The following NRG3 variants were observed in gnomAD, a reference collection of about 807,000 sequenced individuals.
NRG3 encodes the protein pro-neuregulin-3, membrane-bound isoform.
A neutral mutation model predicts 66.9 loss-of-function variants in NRG3; 31 were observed. That is an observed-to-expected ratio of 0.46 (90% CI 0.35 to 0.63). NRG3 has a LOEUF of 0.63. Ranked by LOEUF, NRG3 falls within the 20% of genes least tolerant of loss-of-function variation. NRG3 has a pLI of 0.00. For synonymous variants in NRG3, 393 were observed against 359.4 expected, an observed-to-expected ratio of 1.09 and a Z score of -1.06; for missense variants, 910 against 878.9, an observed-to-expected ratio of 1.04 and a Z score of -0.45.
chr10:81,994,449 C>T (rs2060856132), intron 1 of NRG3, among the ~76,000 whole-genome samples: 1 of 151,914 alleles, frequency 6.6e-6, no homozygotes, highest in African/African-American at 2.4e-5. Flanking sequence ...AACAAGGTTC[C>T]CAGTTTATCC....
chr10:82,812,335 T>C (rs908642781), intron 3 of NRG3, among the ~76,000 whole-genome samples: 1 of 152,218 alleles, frequency 6.6e-6, no homozygotes, highest in Non-Finnish European at 1.5e-5. Context: ...TTTGTTTTGC[T>C]TTTTTGTTTT....
At chr10:82,019,120 A>G (rs2132721456) in intron 1 of NRG3, among the ~76,000 whole-genome samples, 1 of 152,200 alleles carries the variant, frequency 6.6e-6, no homozygotes, top group Admixed American at 6.5e-5. Context: ...ATCAATACCT[A>G]ATTTATTGAG....
intron 5 of NRG3, among the ~76,000 whole-genome samples, chr10:82,952,946 T>G (rs1031444933): frequency 1.3e-5 from 2 of 152,026 alleles, no homozygotes; most frequent in Non-Finnish European, 1.5e-5. Flanking sequence ...CTATATACCT[T>G]AGACCAAAGT....
At chr10:82,955,533 T>C (rs2348754) in intron 5 of NRG3, among the ~76,000 whole-genome samples, 134,209 of 151,800 alleles carry the variant, frequency 0.88, 59,519 homozygotes, top group African/African-American at 0.95. Flanking sequence ...AAATACAAAA[T>C]ATGATTCAAC....
intron 1 of NRG3, among the ~76,000 whole-genome samples, chr10:82,125,247 C>T (rs1239988539): frequency 6.6e-6 from 1 of 151,770 alleles, no homozygotes; most frequent in Non-Finnish European, 1.5e-5. Context: ...GCAGCTGTGT[C>T]AGTGTGTGTG....
At chr10:82,479,027 G>A (rs1257400609) in intron 2 of NRG3, among the ~76,000 whole-genome samples, 2 of 152,150 alleles carry the variant, frequency 1.3e-5, no homozygotes, top group Non-Finnish European at 2.9e-5. Context: ...GGCTCATGGT[G>A]TAAAGGTGAA....
chr10:82,440,873 A>G (rs577340323), intron 2 of NRG3, among the ~76,000 whole-genome samples: 1 of 152,328 alleles, frequency 6.6e-6, no homozygotes, highest in South Asian at 2.1e-4. Context: ...AAATCTTAAG[A>G]GCAATCCAAA....
chr10:81,879,206 C>T (rs1307278374), intron 1 of NRG3, among the ~76,000 whole-genome samples: 1 of 152,194 alleles, frequency 6.6e-6, no homozygotes, highest in Non-Finnish European at 1.5e-5. Context: ...ACTTCAGACT[C>T]TAAAAACGAA....
At chr10:82,949,625 C>G (rs1222613506) in intron 4 of NRG3, among the ~76,000 whole-genome samples, 2 of 152,060 alleles carry the variant, frequency 1.3e-5, no homozygotes, top group Non-Finnish European at 2.9e-5. Flanking sequence ...GAGGCCGAGG[C>G]AGGCAGATCA....
intron 1 of NRG3, among the ~76,000 whole-genome samples, chr10:81,961,083 A>C (rs1032997041): frequency 1.3e-5 from 2 of 152,114 alleles, no homozygotes; most frequent in African/African-American, 4.8e-5. Flanking sequence ...CTATAATTTC[A>C]TCTCCTTAAG....
intron 4 of NRG3, among the ~76,000 whole-genome samples, chr10:82,892,280 A>C (rs1456953812): frequency 6.6e-6 from 1 of 152,146 alleles, no homozygotes; most frequent in Non-Finnish European, 1.5e-5. Context: ...TCTTCAGTGT[A>C]GCCAAAAAAA....
At chr10:82,134,685 G>A (rs2069193776) in intron 1 of NRG3, among the ~76,000 whole-genome samples, 1 of 151,880 alleles carries the variant, frequency 6.6e-6, no homozygotes, top group Non-Finnish European at 1.5e-5. Flanking sequence ...TTTGAAGGTG[G>A]GCAACATGAT....
intron 2 of NRG3, among the ~76,000 whole-genome samples, chr10:82,361,836 A>G (rs1043496058): frequency 6.6e-6 from 1 of 152,110 alleles, no homozygotes; most frequent in Non-Finnish European, 1.5e-5. Flanking sequence ...AGGCTTATGC[A>G]TGACCCTGGC....
intron 4 of NRG3, among the ~76,000 whole-genome samples, chr10:82,876,788 C>T (rs751571118): frequency 6.6e-6 from 1 of 151,868 alleles, no homozygotes; most frequent in Non-Finnish European, 1.5e-5. Flanking sequence ...GTTGGGAGGC[C>T]GAGGCAGGTG....
intron 2 of NRG3, among the ~76,000 whole-genome samples, chr10:82,510,147 A>G (rs1845043250): frequency 1.3e-5 from 2 of 151,918 alleles, no homozygotes; most frequent in African/African-American, 4.8e-5. Context: ...AAGATTAATC[A>G]TTTGCTTCCC....
chr10:82,325,471 A>G (rs1054940171), intron 1 of NRG3, among the ~76,000 whole-genome samples: 12 of 151,992 alleles, frequency 7.9e-5, no homozygotes, highest in African/African-American at 2.9e-4. Flanking sequence ...TGATAGTGTA[A>G]TTACTCCAGC....
intron 2 of NRG3, among the ~76,000 whole-genome samples, chr10:82,617,501 C>G (rs1029539245): frequency 1.3e-5 from 2 of 152,118 alleles, no homozygotes; most frequent in African/African-American, 4.8e-5. Context: ...CTAGGGGCAC[C>G]GGGCTCTGAC....
chr10:82,792,746 C>G (rs1438958317), intron 3 of NRG3, among the ~76,000 whole-genome samples: 1 of 151,620 alleles, frequency 6.6e-6, no homozygotes, highest in African/African-American at 2.4e-5. Context: ...AATGGCATGC[C>G]CTCAGCTCAC....
chr10:82,261,716 A>G (rs1385075668), intron 1 of NRG3, among the ~76,000 whole-genome samples: 12 of 152,212 alleles, frequency 7.9e-5, no homozygotes, highest in Non-Finnish European at 1.5e-4. Flanking sequence ...GGCTCTGGCT[A>G]GTTATCTGCA....
Sources: allele counts gnomAD v4.1 joint callset (sites outside exome capture counted in the v4.1 genomes callset), GRCh38; gene constraint gnomAD v4.1.1; transcripts MANE v1.5; gene names NCBI Gene and HGNC (gene_info 2026-07-23, HGNC 2026-07-21).